TEX9: variants seen among roughly 807,000 people sequenced by gnomAD.
TEX9 encodes the protein testis expressed 9, also known as testis-expressed protein 9.
TEX9 carries 74 observed loss-of-function variants against 59.6 expected under a neutral mutation model. That is an observed-to-expected ratio of 1.24 (90% CI 1.03 to 1.51). The LOEUF (loss-of-function observed/expected upper bound fraction) is 1.51. Among genes scored for constraint, TEX9 ranks in the 40% most tolerant of loss-of-function variants. TEX9 has a pLI of 0.00. For missense variants in TEX9, 522 were observed against 447.8 expected (o/e 1.17, Z -1.49); for synonymous variants, 186 against 152.2 (o/e 1.22, Z -1.64).
intron 1 of TEX9, among the ~76,000 whole-genome samples, chr15:56,309,476 G>A (rs2045554415): frequency 6.6e-6 from 1 of 152,010 alleles, no homozygotes; most frequent in Non-Finnish European, 1.5e-5. Flanking sequence ...TTCGTTGATG[G>A]TTGTAACATC....
intron 1 of TEX9, among the ~76,000 whole-genome samples, chr15:56,305,486 T>C (rs1477351933): frequency 6.6e-6 from 1 of 152,128 alleles, no homozygotes; most frequent in African/African-American, 2.4e-5. Context: ...TACAGTGAAC[T>C]CATTTTTGAC....
At chr15:56,355,405 C>G (rs1379795401) in intron 1 of TEX9, among the ~76,000 whole-genome samples, 4 of 152,100 alleles carry the variant, frequency 2.6e-5, no homozygotes, top group African/African-American at 7.2e-5. Flanking sequence ...AAAAAACTAT[C>G]CTTTCTCCAT....
chr15:56,373,543 GC>G, intron 3 of TEX9, 39 bp downstream of exon 3: 1 of 1,468,310 alleles, frequency 6.8e-7, no homozygotes, highest in Non-Finnish European at 9.0e-7. Context: ...CTATATAAAT[GC>G]TAGTTTTTTA....
intron 1 of TEX9, among the ~76,000 whole-genome samples, chr15:56,346,049 A>G (rs2046464034): frequency 2.6e-5 from 4 of 152,160 alleles, no homozygotes; most frequent in Admixed American, 2.6e-4. Context: ...CCAAATACAA[A>G]TTTGGGAGTA....
intron 1 of TEX9, among the ~76,000 whole-genome samples, chr15:56,338,788 A>G (rs1158650065): frequency 6.6e-6 from 1 of 151,884 alleles, no homozygotes; most frequent in African/African-American, 2.4e-5. Flanking sequence ...CATGGTGGCG[A>G]GTGCCTTTAA....
At chr15:56,403,729 C>G (rs2048921606) in intron 9 of TEX9, among the ~76,000 whole-genome samples, 1 of 152,212 alleles carries the variant, frequency 6.6e-6, no homozygotes, top group African/African-American at 2.4e-5. Context: ...TGACTTCAAA[C>G]TATACTACAA....
At chr15:56,429,154 C>A (rs1356979673) in intron 12 of TEX9, 4 of 1,602,968 alleles carry the variant, frequency 2.5e-6, no homozygotes, top group Non-Finnish European at 2.6e-6. Context: ...CTGAACTCTT[C>A]ACCAAGCAGA....
chr15:56,303,301 G>A (rs1328068236), intron 1 of TEX9, among the ~76,000 whole-genome samples: 2 of 152,260 alleles, frequency 1.3e-5, no homozygotes, highest in Non-Finnish European at 2.9e-5. Flanking sequence ...TAGACCATAT[G>A]TTAGGCCACA....
intron 1 of TEX9, among the ~76,000 whole-genome samples, chr15:56,257,581 T>C (rs1596046382): frequency 6.6e-6 from 1 of 152,134 alleles, no homozygotes; most frequent in Admixed American, 6.6e-5. Flanking sequence ...TGGCTGCATG[T>C]ATGTCTTCTT....
intron 12 of TEX9, chr15:56,431,241 C>T (rs1191736319): frequency 1.0e-6 from 1 of 980,562 alleles, no homozygotes; most frequent in Non-Finnish European, 1.5e-6. Flanking sequence ...AGTGCCTGGA[C>T]AGGAGGATCC....
the TEX9 span, among the ~76,000 whole-genome samples, chr15:56,459,690 G>T: frequency 6.6e-6 from 1 of 152,046 alleles, no homozygotes; most frequent in South Asian, 2.1e-4. Flanking sequence ...GATTGGAGAA[G>T]AAACAATGAC....
At chr15:56,389,339 C>T in exon 6 of TEX9, 1 of 1,610,972 alleles carries the variant, frequency 6.2e-7, no homozygotes, top group Non-Finnish European at 8.5e-7. Flanking sequence ...AAACATTGAT[C>T]CTGTAAACAA....
intron 1 of TEX9, among the ~76,000 whole-genome samples, chr15:56,352,252 C>CTT (rs370510229): frequency 0.044 from 6,616 of 151,270 alleles, 204 homozygotes; most frequent in Admixed American, 0.086. Flanking sequence ...TAATTGCCGT[C>CTT]TTCTTTTTTT....
intron 9 of TEX9, among the ~76,000 whole-genome samples, chr15:56,411,650 G>T (rs2049353592): frequency 6.6e-6 from 1 of 152,168 alleles, no homozygotes; most frequent in African/African-American, 2.4e-5. Context: ...TTTGGCAGGA[G>T]ATGAGGCTGG....
intron 10 of TEX9, among the ~76,000 whole-genome samples, chr15:56,426,610 TATATATATATATATATAC>T (rs1224176560): frequency 1.3e-4 from 5 of 38,972 alleles, no homozygotes; most frequent in East Asian, 1.2e-3. Context: ...TATATATATA[TATATATATATATATATAC>T]ACACACACAA....
At chr15:56,276,795 C>T (rs2044678659) in intron 1 of TEX9, among the ~76,000 whole-genome samples, 1 of 152,212 alleles carries the variant, frequency 6.6e-6, no homozygotes. Flanking sequence ...CTCCTACCAA[C>T]AGTGTAAAAG....
intron 1 of TEX9, among the ~76,000 whole-genome samples, chr15:56,309,450 G>A (rs570652207): frequency 1.1e-4 from 16 of 152,102 alleles, no homozygotes; most frequent in Non-Finnish European, 2.4e-4. Context: ...ATGGCTGGAT[G>A]TGGTTTTGCT....
At chr15:56,324,927 G>A (rs1452883995) in intron 1 of TEX9, among the ~76,000 whole-genome samples, 1 of 152,108 alleles carries the variant, frequency 6.6e-6, no homozygotes, top group Non-Finnish European at 1.5e-5. Flanking sequence ...TCTATAACTT[G>A]ATTTCATTAT....
At chr15:56,453,596 A>G in the TEX9 span, among the ~76,000 whole-genome samples, 1 of 143,848 alleles carries the variant, frequency 7.0e-6, no homozygotes, top group Non-Finnish European at 1.5e-5. Context: ...TTTTGCTTTC[A>G]TAACAGTATG....
Sources: allele counts gnomAD v4.1 joint callset (sites outside exome capture counted in the v4.1 genomes callset), GRCh38; gene constraint gnomAD v4.1.1; transcripts MANE v1.5; gene names NCBI Gene and HGNC (gene_info 2026-07-23, HGNC 2026-07-21).